Variants in TMEM94 observed in about 807,000 individuals in gnomAD.
TMEM94 encodes transmembrane protein 94, also known as ER Mg2+ ATPase.
TMEM94 carries 81 observed loss-of-function variants against 158.6 expected under a neutral mutation model. The ratio of observed to expected loss-of-function variants is 0.51; its 90% CI spans 0.43 to 0.61. TMEM94 has a LOEUF of 0.61. TMEM94 is among the 20% of genes least tolerant of loss of function. TMEM94 has a pLI of 0.00. For missense variants in TMEM94, 1,435 were observed against 1,762.0 expected (o/e 0.81, Z 3.32); for synonymous variants, 751 against 730.7 (o/e 1.03, Z -0.45).
At position 75,498,920 on chromosome 17, in the gene TMEM94, G is replaced by A. The variant is rs1302990112; in HGVS notation, c.3836G>A (p.Gly1279Asp). The change falls in exon 31 of 32, where the codon GGT becomes GAT. Residue 1279 changes from glycine (G) to aspartate (D), a missense_variant. Around this residue, in one of 3 missense-constraint regions of TMEM94, gnomAD observed 335 missense variants for 409.1 expected, o/e 0.82. Coordinates refer to ENST00000314256, the MANE Select transcript of TMEM94 (RefSeq NM_014738.6). This position sits in a 1 kb window ranked among gnomAD's most constrained non-coding sequence, Gnocchi z 6.7. ...GCCGCCACCTCCTGCAGGCTGCTGG[G>A]TCAGGTGGTCCAGACGGCTGTGGAC... Reference protein sequence around the residue: ...WAVTVPVVLLGQVVQTAVDLQ... With the variant: ...WAVTVPVVLLDQVVQTAVDLQ... 1.3e-6 allele frequency: 2 copies of A among 1,548,404 alleles called. No individual in the cohort carries two copies. The highest frequency in any genetic ancestry group is 1.4e-5 in the African/African-American group (1 of 73,564).
chr17:75,492,108 A>G lies in TMEM94; in HGVS notation c.1596+208A>G. On this transcript the variant is annotated intron_variant, in intron 14 of 31. Transcript: ENST00000314256. The surrounding 1 kb of genome is among the most constrained non-coding windows in gnomAD (Gnocchi z 4.4). ...CTCCCCCTACCCTTCCATTCTTGTA[A>G]TCGCAATCACTGGTGTCCCTACTGG... 1.3e-6 allele frequency: 1 copy of G among 781,928 alleles called. No individual in the cohort carries two copies. The highest frequency in any genetic ancestry group is 2.0e-6 in the Non-Finnish European group (1 of 501,418). The allele number at this position is 781,928 out of a possible 1,614,324, so 48.4% of individuals were successfully genotyped here.
At chr17:75,478,253 G>A (rs183384249) in intron 2 of TMEM94, among the ~76,000 whole-genome samples, 5,358 of 140,892 alleles carry the variant, frequency 0.038, 110 homozygotes, top group Middle Eastern at 0.11. Context: ...TCCTGACCTC[G>A]TGATCCGCCC....
At chr17:75,465,679 A>ATATATATATT (rs1247855961) in intron 1 of TMEM94, among the ~76,000 whole-genome samples, 2 of 124,846 alleles carry the variant, frequency 1.6e-5, no homozygotes, top group African/African-American at 3.5e-5. Flanking sequence ...ATATATATAT[A>ATATATATATT]TTTTTTTTTA....
chr17:75,495,251 C>T lies in TMEM94; in HGVS notation c.2729-33C>T. On this transcript the variant is annotated intron_variant, in intron 20 of 31. Coordinates refer to ENST00000314256, the MANE Select transcript of TMEM94 (RefSeq NM_014738.6). The surrounding 1 kb of genome is among the most constrained non-coding windows in gnomAD (Gnocchi z 5.6). ...AAGGACAGGTTCCCAGAAGGCTGGT[C>T]CCAAGGTGAGGGAGAGGCTTTTGTC... 6.5e-7 allele frequency: 1 copy of T among 1,541,448 alleles called. No individual in the cohort carries two copies. The highest frequency in any genetic ancestry group is 8.9e-7 in the Non-Finnish European group (1 of 1,127,756).
rs186821355 is a variant in TMEM94 at position 75,498,290 on chromosome 17, A to G, written c.3605A>G (p.Asn1202Ser). ...QSFCDSSRDR[N>S]LTNCSSVMLP... is the part of the protein sequence containing the mutation. ...TTCTGTGACAGCTCCCGGGACCGCA[A>G]CCTCACCAACTGCTCCTCCGTCATG... is the stretch of plus-strand genomic sequence containing the variant. Residue 1202 changes from asparagine to serine, a missense_variant, in exon 28 of 32, where the codon AAC becomes AGC. Physicochemically the swap from Asn to Ser is conservative, Grantham distance 46. This residue lies in a region of TMEM94 where 335 missense variants were observed against 409.1 expected (regional missense o/e 0.82). Transcript: ENST00000314256. The surrounding 1 kb of genome is among the most constrained non-coding windows in gnomAD (Gnocchi z 6.7). 27 of 1,613,164 alleles carry G rather than the reference A, an allele frequency of 1.7e-5. No individual in the cohort carries two copies. In the Admixed American group the frequency reaches 2.2e-4, roughly 13 times the overall value.
Position 75,488,122 on chromosome 17 carries a change from G to C in TMEM94, c.600G>C (p.Leu200=), listed in dbSNP as rs369619846. The C allele has an allele frequency of 4.3e-6, 7 of 1,614,198 alleles. No homozygotes were observed. The Admixed American group carries it at 1.2e-4, about 27-fold the overall frequency. The change falls in exon 6 of 32, where the codon CTG becomes CTC. Residue 200 remains leucine (L), a synonymous_variant. Transcript: ENST00000314256. ...LRPGQESFAS[L]RGIKDDEHIV... ...CTGGCCAGGAATCGTTTGCTTCTCT[G>C]AGGGGGATCAAGGTAGCTTGAGGCT...
Position 75,484,497 on chromosome 17 carries a change from CA to C in TMEM94, c.25-929del, listed in dbSNP as rs542875483. ...CACTACGACCTTGACCTCCTGAGCC[CA>C]AGCAATCCTCCTGCCTCAGCCTCCT... On this transcript the variant is annotated intron_variant, in intron 2 of 31. Transcript: ENST00000314256. 2.7e-3 allele frequency among the ~76,000 whole-genome samples: 412 copies of C among 152,066 alleles called. 6 individuals carry two copies. Among genetic ancestry groups the C allele is most frequent in the African/African-American group, 9.6e-3 (398 of 41,508 alleles).
In TMEM94 at chr17:75,492,035, C is replaced by A. The variant is rs923258374; in HGVS notation, c.1596+135C>A. 1.0e-6 allele frequency: 1 copy of A among 957,876 alleles called. No homozygotes were observed. 59.3% of individuals were successfully genotyped at this position (957,876 alleles called of 1,614,324 possible). ...CTGTCCCAGCACCTCCAGGCTAGGC[C>A]AGTGGTCCCTGAGGCCCTCCCCAAG... On this transcript the variant is annotated intron_variant, in intron 14 of 31. Coordinates refer to ENST00000314256, the MANE Select transcript of TMEM94 (RefSeq NM_014738.6). The surrounding 1 kb of genome is among the most constrained non-coding windows in gnomAD (Gnocchi z 4.4).
chr17:75,489,565 G>A lies in TMEM94; in HGVS notation c.868-11G>A, dbSNP rs1175720474. The A allele has an allele frequency of 1.9e-6, 3 of 1,613,290 alleles. No individual in the cohort carries two copies. Among genetic ancestry groups the A allele is most frequent in the Non-Finnish European group, 2.5e-6 (3 of 1,179,318 alleles). ...GCGGGGTCAAGGCTGTGCCTCTGCT[G>A]TTCCCAACAGGCCGGCTTCCTCATC... is the stretch of plus-strand genomic sequence containing the variant. On this transcript the variant is annotated splice_polypyrimidine_tract_variant and intron_variant, in intron 8 of 31. Transcript: ENST00000314256. The surrounding 1 kb of genome is among the most constrained non-coding windows in gnomAD (Gnocchi z 5.0).
Position 75,492,892 on chromosome 17 carries a change from A to G in TMEM94, c.1913-37A>G, listed in dbSNP as rs2052342145. Reference sequence around the variant, plus strand: ...TTAATGGACCTGGCAGGGTATTGCCAGGGCATGGCCCTAAGTTCCTGTTCC... The same window carrying G: ...TTAATGGACCTGGCAGGGTATTGCCGGGGCATGGCCCTAAGTTCCTGTTCC... On this transcript the variant is annotated intron_variant, in intron 15 of 31. Coordinates refer to ENST00000314256, the MANE Select transcript of TMEM94 (RefSeq NM_014738.6). The surrounding 1 kb of genome is among the most constrained non-coding windows in gnomAD (Gnocchi z 4.4). 2.5e-6 allele frequency: 4 copies of G among 1,595,228 alleles called. No homozygotes were observed. Among genetic ancestry groups the G allele is most frequent in the Non-Finnish European group, 3.4e-6 (4 of 1,168,634 alleles).
chr17:75,485,978 C>T lies in TMEM94; in HGVS notation c.252C>T (p.Cys84=), dbSNP rs543706878. The change falls in exon 4 of 32, where the codon TGC becomes TGT. Residue 84 remains cysteine, a synonymous_variant. Transcript: ENST00000314256. The surrounding 1 kb of genome is among the most constrained non-coding windows in gnomAD (Gnocchi z 5.5). ...LLAVLLLLGC[C]GGQPAGSRGV... is the part of the protein sequence containing the mutation. ...CCGTGCTGCTGCTGCTGGGCTGCTG[C>T]GGGGGACAGCCAGCCGGGAGGTGTG... is the stretch of plus-strand genomic sequence containing the variant. The T allele has an allele frequency of 3.8e-5, 61 of 1,611,564 alleles. No individual in the cohort carries two copies. Among genetic ancestry groups the T allele is most frequent in the African/African-American group, 2.9e-4 (22 of 74,910 alleles).
intron 1 of TMEM94, among the ~76,000 whole-genome samples, chr17:75,458,341 A>T (rs998294099): frequency 1.3e-5 from 2 of 151,436 alleles, no homozygotes; most frequent in African/African-American, 2.4e-5. Flanking sequence ...GAGGTAGTTT[A>T]AAAAAAAAGT....
Position 75,496,439 on chromosome 17 carries a change from G to T in TMEM94, c.3211G>T (p.Glu1071Ter). 1 of 1,613,590 alleles carries T rather than the reference G, an allele frequency of 6.2e-7. No homozygotes were observed. Among genetic ancestry groups the T allele is most frequent in the African/African-American group, 1.3e-5 (1 of 75,070 alleles). Reference protein sequence around the residue: ...LPCSLTFRQEETISIIRLIEQ... With the variant: ...LPCSLTFRQE ...CTGTTCCCTGACCTTTCGCCAGGAG[G>T]AGACCATCAGCATCATCCGGCTTAT... Residue 1071 changes from glutamate to a stop codon, truncating the protein, a stop_gained, in exon 24 of 32, where the codon GAG becomes TAG. Coordinates refer to ENST00000314256, the MANE Select transcript of TMEM94 (RefSeq NM_014738.6). LOFTEE classifies it high-confidence loss of function.
rs913129132 is a variant in TMEM94 at position 75,499,957 on chromosome 17, T to G, written c.*623T>G. On this transcript the variant is annotated 3_prime_UTR_variant, in exon 32 of 32. Transcript: ENST00000314256. ...GGCTGCCTGTCAGTCTTGGGGAATC[T>G]GGCCCAGGTCTCCTCAGCCTCTGCC... 6.5e-6 allele frequency: 1 copy of G among 154,404 alleles called. No homozygotes were observed. The allele number at this position is 154,404 out of a possible 1,614,324, so 9.6% of individuals were successfully genotyped here.
intron 1 of TMEM94, among the ~76,000 whole-genome samples, chr17:75,469,536 G>A (rs1598323749): frequency 2.6e-5 from 4 of 151,214 alleles, no homozygotes; most frequent in Admixed American, 2.6e-4. Context: ...GTAGAGATGG[G>A]GTTTCATCAT....
At chr17:75,464,204 C>T (rs2050205152) in intron 1 of TMEM94, among the ~76,000 whole-genome samples, 1 of 152,132 alleles carries the variant, frequency 6.6e-6, no homozygotes, top group Non-Finnish European at 1.5e-5. Context: ...GCATGGCAAA[C>T]CAAGATTATC....
At chr17:75,482,252 A>C (rs889414250) in intron 2 of TMEM94, among the ~76,000 whole-genome samples, 2 of 152,010 alleles carry the variant, frequency 1.3e-5, no homozygotes, top group African/African-American at 4.8e-5. Context: ...AGGCTGAGGC[A>C]GGAGAATTTC....
chr17:75,490,917 C>T (rs2052115824), intron 11 of TMEM94, 132 bp from the exon 12 acceptor site: 2 of 934,746 alleles, frequency 2.1e-6, no homozygotes, highest in Non-Finnish European at 3.3e-6. Context: ...ATAACGTGTC[C>T]ACACCCTGTC....
chr17:75,494,859 T>C, intron 19 of TMEM94, 37 bp from the exon 20 acceptor site: 1 of 1,612,902 alleles, frequency 6.2e-7, no homozygotes, highest in Non-Finnish European at 8.5e-7. Flanking sequence ...CCACGGGCTT[T>C]TGGGCCCGTA....
Sources: gnomAD v4.1 joint callset for allele counts (sites outside exome capture counted in the v4.1 genomes callset) on GRCh38, gnomAD v4.1.1 for gene constraint, gnomAD v4.1.1 regional missense constraint, Gnocchi (gnomAD v3.1) non-coding constraint, MANE v1.5 for transcripts, NCBI Gene and HGNC (gene_info 2026-07-23, HGNC 2026-07-21) for gene names.